FBXL17: variants seen among roughly 807,000 people sequenced by gnomAD.
The protein encoded by FBXL17 is F-box and leucine rich repeat protein 17, also known as F-box/LRR-repeat protein 17.
A neutral mutation model predicts 66.2 loss-of-function variants in FBXL17; 22 were observed. That is an observed-to-expected ratio of 0.33 (90% CI 0.24 to 0.47). FBXL17 has a LOEUF of 0.47. Among genes scored for constraint, FBXL17 ranks in the 20% least tolerant of loss-of-function variants. FBXL17 has a pLI of 1.00. For missense variants in FBXL17, 878 were observed against 948.2 expected, an observed-to-expected ratio of 0.93 and a Z score of 0.97; for synonymous variants, 474 against 400.5, an observed-to-expected ratio of 1.18 and a Z score of -2.19.
intron 4 of FBXL17, among the ~76,000 whole-genome samples, chr5:108,226,060 G>C (rs1755085999): frequency 6.6e-6 from 1 of 151,972 alleles, no homozygotes; most frequent in African/African-American, 2.4e-5. Context: ...AACTCTCCTA[G>C]TCCCTCTCTG....
chr5:108,151,976 T>C (rs1580519479), intron 6 of FBXL17, among the ~76,000 whole-genome samples: 1 of 152,232 alleles, frequency 6.6e-6, no homozygotes, highest in South Asian at 2.1e-4. Flanking sequence ...AATTGTGGTC[T>C]CAACCTTCCC....
chr5:107,863,238 A>G (rs1025124405), intron 8 of FBXL17, among the ~76,000 whole-genome samples: 1 of 151,462 alleles, frequency 6.6e-6, no homozygotes, highest in Admixed American at 6.6e-5. Flanking sequence ...TAGAGTTCAG[A>G]CAGCTTATAA....
intron 4 of FBXL17, among the ~76,000 whole-genome samples, chr5:108,310,292 C>T (rs1418388155): frequency 6.6e-6 from 1 of 152,198 alleles, no homozygotes; most frequent in Non-Finnish European, 1.5e-5. Context: ...ATACTATCCA[C>T]ATATCCTGAC....
chr5:108,333,595 A>C (rs991061586), intron 4 of FBXL17, among the ~76,000 whole-genome samples: 6 of 152,270 alleles, frequency 3.9e-5, no homozygotes, highest in African/African-American at 1.4e-4. Flanking sequence ...TTTGCTCTTA[A>C]TGTAAAGAAA....
At chr5:108,369,666 A>C (rs1276686306) in intron 1 of FBXL17, among the ~76,000 whole-genome samples, 1 of 151,772 alleles carries the variant, frequency 6.6e-6, no homozygotes, top group Non-Finnish European at 1.5e-5. Flanking sequence ...TAATTTTTAA[A>C]AGTTACATCA....
intron 1 of FBXL17, among the ~76,000 whole-genome samples, chr5:108,369,603 A>C (rs1748898353): frequency 1.3e-5 from 2 of 151,508 alleles, no homozygotes; most frequent in Admixed American, 1.3e-4. Context: ...CATATATTTT[A>C]AATATATAAT....
At chr5:107,983,953 T>C (rs765165787) in intron 7 of FBXL17, among the ~76,000 whole-genome samples, 2 of 152,044 alleles carry the variant, frequency 1.3e-5, no homozygotes, top group African/African-American at 2.4e-5. Flanking sequence ...AGAAAAATAA[T>C]TGACGCCCAG....
chr5:108,069,522 G>A lies in FBXL17; in HGVS notation c.1746-48521C>T, dbSNP rs530131677. On this transcript the variant is annotated intron_variant, in intron 6 of 8. Transcript: ENST00000542267. ...TTTGTGTATATGCATCAGGCCAACA[G>A]TAGGCATAAATAAAAAGTAAGAACT... 3.0e-4 allele frequency among the ~76,000 whole-genome samples: 46 copies of A among 152,256 alleles called. 1 individual carries two copies. In the South Asian group the frequency reaches 8.1e-3, roughly 27 times the overall value.
At chr5:108,215,917 C>T (rs57269490) in intron 5 of FBXL17, among the ~76,000 whole-genome samples, 7,586 of 151,988 alleles carry the variant, frequency 0.05, 626 homozygotes, top group African/African-American at 0.17. Context: ...CTTTTGGATA[C>T]GGATATCCAG....
chr5:108,301,102 C>A (rs999916027), intron 4 of FBXL17, among the ~76,000 whole-genome samples: 1 of 151,716 alleles, frequency 6.6e-6, no homozygotes, highest in African/African-American at 2.4e-5. Context: ...TAGCTTCTTA[C>A]TGCATTTTTT....
At chr5:108,085,027 T>C (rs1021055385) in intron 6 of FBXL17, among the ~76,000 whole-genome samples, 1 of 152,258 alleles carries the variant, frequency 6.6e-6, no homozygotes, top group African/African-American at 2.4e-5. Flanking sequence ...CTAAGCTCCC[T>C]GATTCTTTCA....
At chr5:108,158,874 A>G (rs1752100451) in intron 6 of FBXL17, among the ~76,000 whole-genome samples, 1 of 152,198 alleles carries the variant, frequency 6.6e-6, no homozygotes. Flanking sequence ...AGCTAAAACA[A>G]TAAAAGAAAG....
intron 7 of FBXL17, among the ~76,000 whole-genome samples, chr5:107,905,297 G>A (rs1749717494): frequency 6.6e-6 from 1 of 151,964 alleles, no homozygotes; most frequent in African/African-American, 2.4e-5. Context: ...AAACTATTCT[G>A]TGCCTTCTTA....
chr5:108,372,036 TC>T (rs1258075360), intron 1 of FBXL17, among the ~76,000 whole-genome samples: 1 of 152,186 alleles, frequency 6.6e-6, no homozygotes, highest in Non-Finnish European at 1.5e-5. Flanking sequence ...CTCCTCCCCT[TC>T]TGTATGGCAG....
intron 7 of FBXL17, among the ~76,000 whole-genome samples, chr5:107,943,391 T>C (rs73780463): frequency 0.067 from 10,188 of 152,152 alleles, 1,163 homozygotes; most frequent in African/African-American, 0.23. Flanking sequence ...GTTGAAGCCA[T>C]GACCATCCAC....
intron 7 of FBXL17, among the ~76,000 whole-genome samples, chr5:107,917,287 T>TA (rs1413324866): frequency 1.3e-5 from 2 of 152,178 alleles, no homozygotes; most frequent in Admixed American, 6.5e-5. Flanking sequence ...AGGATGCTGG[T>TA]AAAACCACAG....
At chr5:108,326,547 G>C (rs1759863734) in intron 4 of FBXL17, among the ~76,000 whole-genome samples, 1 of 152,104 alleles carries the variant, frequency 6.6e-6, no homozygotes, top group African/African-American at 2.4e-5. Flanking sequence ...AGGTTGTAGT[G>C]AGCCAAGAAC....
At chr5:108,302,098 G>A (rs1384203308) in intron 4 of FBXL17, 14 of 854,686 alleles carry the variant, frequency 1.6e-5, no homozygotes, top group Non-Finnish European at 1.8e-5. Flanking sequence ...AATCAATAAA[G>A]TAATTGGTCA....
chr5:107,931,668 A>G (rs1750741798), intron 7 of FBXL17, among the ~76,000 whole-genome samples: 1 of 152,178 alleles, frequency 6.6e-6, no homozygotes, highest in Non-Finnish European at 1.5e-5. Flanking sequence ...AGTTCAAAAC[A>G]GAGTCTCTAG....
Sources: gnomAD v4.1 joint callset for allele counts (sites outside exome capture counted in the v4.1 genomes callset) on GRCh38, gnomAD v4.1.1 for gene constraint, MANE v1.5 for transcripts, NCBI Gene and HGNC (gene_info 2026-07-23, HGNC 2026-07-21) for gene names.